Variants in KIAA1549 observed in about 807,000 individuals in gnomAD.
KIAA1549 encodes the protein UPF0606 protein KIAA1549.
KIAA1549 carries 70 observed loss-of-function variants against 156.4 expected under a neutral mutation model. The observed-to-expected ratio is 0.45, with a 90% confidence interval of 0.37 to 0.55. KIAA1549 has a LOEUF of 0.55. Among genes scored for constraint, KIAA1549 ranks in the 20% least tolerant of loss-of-function variants. KIAA1549 has a pLI of 0.00. For missense variants in KIAA1549, 2,428 were observed against 2,540.9 expected, an observed-to-expected ratio of 0.96 and a Z score of 0.96; for synonymous variants, 1,103 against 1,066.4, an observed-to-expected ratio of 1.03 and a Z score of -0.67.
chr7:138,883,089 TAAA>T (rs1201752539), intron 10 of KIAA1549, among the ~76,000 whole-genome samples: 5 of 47,064 alleles, frequency 1.1e-4, no homozygotes, highest in Admixed American at 3.0e-4. Flanking sequence ...CCATCTCCCC[TAAA>T]AAAAAAAAAA....
At chr7:138,970,234 T>C (rs1406339222) in intron 1 of KIAA1549, among the ~76,000 whole-genome samples, 6 of 152,236 alleles carry the variant, frequency 3.9e-5, no homozygotes, top group Non-Finnish European at 8.8e-5. Flanking sequence ...CCATCTCAGC[T>C]TCGACACCCT....
intron 2 of KIAA1549, 26 bp from the exon 3 acceptor site, chr7:138,912,486 T>C (rs147959771): frequency 1.1e-5 from 17 of 1,567,662 alleles, no homozygotes; most frequent in Admixed American, 8.3e-5. Context: ...AACCACCAAA[T>C]GCCTTTTCAT....
chr7:138,887,265 TTTAAA>T (rs1254612817), intron 10 of KIAA1549, among the ~76,000 whole-genome samples: 3 of 152,118 alleles, frequency 2.0e-5, no homozygotes, highest in Admixed American at 6.5e-5. Context: ...GTGTAAATTA[TTTAAA>T]TTAATTATTA....
At position 138,917,912 on chromosome 7, in the gene KIAA1549, C is replaced by G; in HGVS notation, c.1714G>C (p.Val572Leu). ...GACGGTGTGTTTTTGTTTGCTATGA[C>G]AGAGAAAGATGAGTCAAGGAGAATG... ...TSILLDSSFSVIANKNTPSLA... is the reference protein window; with the variant it reads ...TSILLDSSFSLIANKNTPSLA... Residue 572 changes from valine to leucine, a missense_variant, in exon 2 of 20, where the codon GTC (valine) becomes CTC (leucine). Coordinates refer to ENST00000422774, the MANE Select transcript of KIAA1549 (RefSeq NM_001164665.2). The G allele has an allele frequency of 6.2e-7, 1 of 1,600,704 alleles. No homozygotes were observed. The highest frequency in any genetic ancestry group is 1.1e-5 in the South Asian group (1 of 88,430).
At chr7:138,964,712 T>C (rs1467425372) in intron 1 of KIAA1549, among the ~76,000 whole-genome samples, 1 of 152,166 alleles carries the variant, frequency 6.6e-6, no homozygotes, top group Admixed American at 6.5e-5. Flanking sequence ...GCAAAGACAA[T>C]AAAGACTGGT....
chr7:138,951,605 C>A (rs1172808463), intron 1 of KIAA1549, among the ~76,000 whole-genome samples: 1 of 152,188 alleles, frequency 6.6e-6, no homozygotes, highest in African/African-American at 2.4e-5. Flanking sequence ...GATGACGACA[C>A]CTGCTTTCCC....
chr7:138,912,693 T>A (rs1446360765), intron 2 of KIAA1549, among the ~76,000 whole-genome samples: 1 of 151,916 alleles, frequency 6.6e-6, no homozygotes. Context: ...CTGCATAGCA[T>A]CAGCTCAACA....
intron 12 of KIAA1549, among the ~76,000 whole-genome samples, chr7:138,874,477 ACAT>A (rs557415728): frequency 6.6e-6 from 1 of 152,218 alleles, no homozygotes; most frequent in Non-Finnish European, 1.5e-5. Flanking sequence ...ACATATCAAA[ACAT>A]CATCATTTAG....
chr7:138,895,556 A>G (rs1216558080), intron 9 of KIAA1549, among the ~76,000 whole-genome samples: 1 of 152,134 alleles, frequency 6.6e-6, no homozygotes, highest in Admixed American at 6.5e-5. Flanking sequence ...TTCTACCTAC[A>G]TGAGGTATCT....
At chr7:138,956,777 G>T (rs1455710677) in intron 1 of KIAA1549, among the ~76,000 whole-genome samples, 3 of 152,146 alleles carry the variant, frequency 2.0e-5, no homozygotes, top group African/African-American at 7.2e-5. Flanking sequence ...TATTAATTCT[G>T]ATCTATTCAA....
rs1285427407 is a variant in KIAA1549 at position 138,917,515 on chromosome 7, A to G, written c.2111T>C (p.Leu704Ser). The G allele has an allele frequency of 6.2e-7, 1 of 1,613,802 alleles. No individual in the cohort carries two copies. Among genetic ancestry groups the G allele is most frequent in the Non-Finnish European group, 8.5e-7 (1 of 1,179,870 alleles). ...SQLQPSSELP[L>S]NTIMLLPSRS... ...GCTAGGTAGCAACATGATGGTGTTT[A>G]AAGGCAGCTCGGAACTTGGCTGGAG... is the stretch of plus-strand genomic sequence containing the variant. Residue 704 changes from leucine to serine, a missense_variant, in exon 2 of 20, where the codon TTA becomes TCA. Transcript: ENST00000422774.
At chr7:138,844,699 G>A (rs2130335049) in intron 17 of KIAA1549, among the ~76,000 whole-genome samples, 1 of 152,204 alleles carries the variant, frequency 6.6e-6, no homozygotes, top group Non-Finnish European at 1.5e-5. Context: ...CTGCAATACA[G>A]TTGATGCTGA....
rs371452049 is a variant in KIAA1549, at chr7:138,919,117, C to T, written c.509G>A (p.Arg170Gln). Residue 170 changes from arginine to glutamine, a missense_variant, in exon 2 of 20, where the codon CGG becomes CAG. Coordinates refer to ENST00000422774, the MANE Select transcript of KIAA1549 (RefSeq NM_001164665.2). ...GATATACTGTATTGGAGAAACCATC[C>T]GTGGAGTGGTCCAGTGAGTATCTGG... ...FLPDTHWTTP[R>Q]MVSPIQYITV... 8 of 1,613,884 alleles carry T rather than the reference C, an allele frequency of 5.0e-6. No individual in the cohort carries two copies. In the African/African-American group the frequency reaches 5.3e-5, roughly 11 times the overall value.
intron 1 of KIAA1549, among the ~76,000 whole-genome samples, chr7:138,925,320 C>A (rs1254251351): frequency 6.6e-6 from 1 of 152,062 alleles, no homozygotes; most frequent in Non-Finnish European, 1.5e-5. Flanking sequence ...ATCATGGAAT[C>A]ATGTACTTTT....
intron 10 of KIAA1549, among the ~76,000 whole-genome samples, chr7:138,888,423 C>G (rs138332318): frequency 7.4e-4 from 113 of 152,294 alleles, no homozygotes; most frequent in African/African-American, 2.7e-3. Context: ...TGCTTGAATG[C>G]AAGTCACTTG....
chr7:138,841,892 T>TA (rs201550744), intron 18 of KIAA1549, among the ~76,000 whole-genome samples: 3,867 of 141,548 alleles, frequency 0.027, 141 homozygotes, highest in African/African-American at 0.079. Context: ...CAACCACATT[T>TA]AAAAAAAAAA....
At chr7:138,935,808 AT>A (rs1812993932) in intron 1 of KIAA1549, among the ~76,000 whole-genome samples, 1 of 152,158 alleles carries the variant, frequency 6.6e-6, no homozygotes, top group Non-Finnish European at 1.5e-5. Context: ...TTAAGCTTTT[AT>A]TTTATATCAA....
intron 12 of KIAA1549, among the ~76,000 whole-genome samples, chr7:138,871,880 C>T (rs1414396252): frequency 6.6e-6 from 1 of 152,258 alleles, no homozygotes; most frequent in African/African-American, 2.4e-5. Context: ...AGTGACCACA[C>T]TTCTGACTTT....
chr7:138,864,167 A>C (rs1053950593), intron 15 of KIAA1549, among the ~76,000 whole-genome samples: 1 of 152,220 alleles, frequency 6.6e-6, no homozygotes, highest in African/African-American at 2.4e-5. Flanking sequence ...ACTCTACTGC[A>C]AGGAAGCAAG....
Sources: allele counts gnomAD v4.1 joint callset (sites outside exome capture counted in the v4.1 genomes callset), GRCh38; gene constraint gnomAD v4.1.1; transcripts MANE v1.5; gene names NCBI Gene and HGNC (gene_info 2026-07-23, HGNC 2026-07-21).